NCAM1: variants seen among roughly 807,000 people sequenced by gnomAD.
NCAM1 encodes neural cell adhesion molecule 1.
A neutral mutation model predicts 109.8 loss-of-function variants in NCAM1; 14 were observed. The ratio of observed to expected loss-of-function variants is 0.13; its 90% CI spans 0.08 to 0.20. The LOEUF (loss-of-function observed/expected upper bound fraction) is 0.20. NCAM1 is among the 10% of genes least tolerant of loss of function. NCAM1 has a pLI of 1.00. For synonymous variants in NCAM1, 418 were observed against 442.9 expected (o/e 0.94, Z 0.70); for missense variants, 774 against 1,109.9 (o/e 0.70, Z 4.30).
chr11:112,970,410 G>C (rs377103175), intron 1 of NCAM1, among the ~76,000 whole-genome samples: 1 of 152,122 alleles, frequency 6.6e-6, no homozygotes, highest in Non-Finnish European at 1.5e-5. Context: ...TTTTATTGCT[G>C]TATGAAACAT....
intron 1 of NCAM1, among the ~76,000 whole-genome samples, chr11:113,038,652 G>A (rs1414052801): frequency 1.3e-5 from 2 of 152,200 alleles, no homozygotes; most frequent in South Asian, 2.1e-4. Flanking sequence ...GCTGTGGAGG[G>A]CTTGGGCCCA....
At chr11:113,019,955 T>C (rs1185231392) in intron 1 of NCAM1, among the ~76,000 whole-genome samples, 4 of 152,228 alleles carry the variant, frequency 2.6e-5, no homozygotes, top group Non-Finnish European at 4.4e-5. Context: ...TCTGAAATTG[T>C]ATAATAACAT....
chr11:113,235,079 A>G lies in NCAM1; in HGVS notation c.1740A>G (p.Thr580=). 1 of 1,589,472 alleles carries G rather than the reference A, an allele frequency of 6.3e-7. No homozygotes were observed. The change falls in exon 14 of 20, where the codon ACA becomes ACG. Residue 580 remains threonine, a synonymous_variant. Coordinates refer to ENST00000316851, the MANE Select transcript of NCAM1 (RefSeq NM_181351.5). ...IVTIVGLKPE[T]TYAVRLAALN... is the part of the protein sequence containing the mutation. ...CCATCGTGGGCCTGAAGCCCGAAACAACGTACGCCGTAAGGCTGGCGGCGC... is the reference window on the plus strand; with the variant it reads ...CCATCGTGGGCCTGAAGCCCGAAACGACGTACGCCGTAAGGCTGGCGGCGC...
intron 1 of NCAM1, among the ~76,000 whole-genome samples, chr11:113,059,672 G>T (rs1217893425): frequency 6.6e-6 from 1 of 152,110 alleles, no homozygotes; most frequent in Non-Finnish European, 1.5e-5. Flanking sequence ...CATATAACCA[G>T]CACCGCATCA....
chr11:113,002,113 G>A (rs1332282034), intron 1 of NCAM1, among the ~76,000 whole-genome samples: 1 of 152,176 alleles, frequency 6.6e-6, no homozygotes, highest in Non-Finnish European at 1.5e-5. Context: ...GGGAGATGAT[G>A]CCCCTAACCC....
intron 1 of NCAM1, among the ~76,000 whole-genome samples, chr11:113,114,623 TG>T (rs1238194764): frequency 6.6e-6 from 1 of 152,194 alleles, no homozygotes; most frequent in East Asian, 1.9e-4. Flanking sequence ...TCCTCTGCAG[TG>T]GGGTGGCATC....
intron 9 of NCAM1, among the ~76,000 whole-genome samples, chr11:113,224,108 C>T (rs1183128167): frequency 3.3e-5 from 5 of 152,186 alleles, no homozygotes; most frequent in South Asian, 2.1e-4. Context: ...TGCAGCGCAC[C>T]GAGCGTGAGC....
At position 113,229,467 on chromosome 11, in the gene NCAM1, A is replaced by G. The variant is rs1160243532; in HGVS notation, c.1090-2178A>G. On this transcript the variant is annotated intron_variant, in intron 9 of 19. Transcript: ENST00000316851. ...GGAGAGGATGTGGAGAAATAGGAAC[A>G]CTTTTACACTGTTGGTGGGACTGTA... is the stretch of plus-strand genomic sequence containing the variant. Among the ~76,000 whole-genome samples the G allele has an allele frequency of 2.0e-5, 3 of 152,128 alleles. No homozygotes were observed. The South Asian group carries it at 6.2e-4, about 31-fold the overall frequency.
rs139143114 is a variant in NCAM1, at chr11:113,182,557, T to C, written c.53-19822T>C. 5.9e-5 allele frequency among the ~76,000 whole-genome samples: 9 copies of C among 152,322 alleles called. No homozygotes were observed. In the East Asian group the frequency reaches 1.7e-3, roughly 29 times the overall value. Reference sequence around the variant, plus strand: ...CATTTTGCTTGCTCTTCATTGCCACTCTATGATGCAGACAGTGCTGCCATC... The same window carrying C: ...CATTTTGCTTGCTCTTCATTGCCACCCTATGATGCAGACAGTGCTGCCATC... On this transcript the variant is annotated intron_variant, in intron 1 of 19. Coordinates refer to ENST00000316851, the MANE Select transcript of NCAM1 (RefSeq NM_181351.5).
chr11:113,188,218 C>A (rs895656920), intron 1 of NCAM1, among the ~76,000 whole-genome samples: 1 of 152,124 alleles, frequency 6.6e-6, no homozygotes, highest in Non-Finnish European at 1.5e-5. Context: ...CGGGGAGATC[C>A]CAGCCCTTGT....
chr11:113,047,101 G>C (rs1259834092), intron 1 of NCAM1, among the ~76,000 whole-genome samples: 3 of 152,150 alleles, frequency 2.0e-5, no homozygotes, highest in African/African-American at 7.2e-5. Flanking sequence ...GATACTACTG[G>C]TATTTTTACT....
At chr11:113,266,238 G>T (rs1487006114) in intron 17 of NCAM1, among the ~76,000 whole-genome samples, 1 of 152,196 alleles carries the variant, frequency 6.6e-6, no homozygotes, top group African/African-American at 2.4e-5. Flanking sequence ...AGAGGGAATG[G>T]GTGTTGGCTT....
intron 1 of NCAM1, among the ~76,000 whole-genome samples, chr11:113,044,172 C>T (rs1591276991): frequency 1.3e-5 from 2 of 152,142 alleles, no homozygotes. Context: ...CCTGTTCTTT[C>T]TCATGCCTTT....
chr11:113,260,155 G>A lies in NCAM1; in HGVS notation c.1963G>A (p.Glu655Lys), dbSNP rs782144793. 15 of 1,610,582 alleles carry A rather than the reference G, an allele frequency of 9.3e-6. No individual in the cohort carries two copies. The highest frequency in any genetic ancestry group is 2.7e-5 in the African/African-American group (2 of 74,640). ...YLVRYRALSS[E>K]WKPEIRLPSG... ...CGGTTTCTCCCAGAAGCTCTCCTCC[G>A]AGTGGAAACCAGAGATCAGGCTCCC... Residue 655 changes from glutamate to lysine, a missense_variant, in exon 17 of 20, where the codon GAG becomes AAG. By Grantham distance (56) the Glu-to-Lys change is moderately conservative. Around this residue, in one of 4 missense-constraint regions of NCAM1, gnomAD observed 523 missense variants for 784.2 expected, o/e 0.67. Coordinates refer to ENST00000316851, the MANE Select transcript of NCAM1 (RefSeq NM_181351.5).
At chr11:113,200,972 T>C (rs2136872013) in intron 1 of NCAM1, among the ~76,000 whole-genome samples, 1 of 152,184 alleles carries the variant, frequency 6.6e-6, no homozygotes, top group Admixed American at 6.5e-5. Flanking sequence ...GTCTGGGTTT[T>C]CCCCTCTGAT....
chr11:113,037,363 C>G (rs782295996), intron 1 of NCAM1, among the ~76,000 whole-genome samples: 41 of 152,150 alleles, frequency 2.7e-4, no homozygotes, highest in Non-Finnish European at 1.2e-4. Context: ...GCCCAGGCAG[C>G]CTGGGGTCTG....
chr11:113,101,817 T>C (rs1207821978), intron 1 of NCAM1, among the ~76,000 whole-genome samples: 1 of 152,248 alleles, frequency 6.6e-6, no homozygotes, highest in Non-Finnish European at 1.5e-5. Context: ...CAGAAAGTTA[T>C]ATAACTTAAC....
intron 1 of NCAM1, among the ~76,000 whole-genome samples, chr11:113,034,143 C>T (rs1414336666): frequency 6.6e-6 from 1 of 152,294 alleles, no homozygotes; most frequent in Admixed American, 6.5e-5. Flanking sequence ...GAGGCCACAG[C>T]TTAACTCACT....
chr11:113,080,944 G>A (rs1938781547), intron 1 of NCAM1, among the ~76,000 whole-genome samples: 2 of 152,198 alleles, frequency 1.3e-5, no homozygotes, highest in South Asian at 4.1e-4. Flanking sequence ...GGGAAGATAA[G>A]CACCATACTT....
Sources: gnomAD v4.1 joint callset for allele counts (sites outside exome capture counted in the v4.1 genomes callset) on GRCh38, gnomAD v4.1.1 for gene constraint, gnomAD v4.1.1 regional missense constraint, MANE v1.5 for transcripts, NCBI Gene and HGNC (gene_info 2026-07-23, HGNC 2026-07-21) for gene names.